The following LMX1A variants were observed in gnomAD, a reference collection of about 807,000 sequenced individuals.
The protein encoded by LMX1A is LIM homeobox transcription factor 1-alpha.
In LMX1A, 15 loss-of-function variants were observed where a neutral mutation model predicts 49.1. The observed-to-expected ratio is 0.31, with a 90% CI of 0.20 to 0.47. The LOEUF (loss-of-function observed/expected upper bound fraction) is 0.47, where lower values mean the gene tolerates loss of function less well. Ranked by LOEUF, LMX1A falls within the 20% of genes least tolerant of loss-of-function variation. The probability of loss-of-function intolerance (pLI) is 1.00; values close to 1 mark genes in which losing one functional copy is unlikely to be tolerated. For synonymous variants in LMX1A, 167 were observed against 185.7 expected (o/e 0.90, Z 0.82); for missense variants, 372 against 475.8 (o/e 0.78, Z 2.03).
chr1:165,280,801 A>G (rs1288800732), intron 3 of LMX1A, among the ~76,000 whole-genome samples: 2 of 152,116 alleles, frequency 1.3e-5, no homozygotes, highest in Non-Finnish European at 2.9e-5. Flanking sequence ...TTATTACTCA[A>G]TGCAGCTTCC....
At chr1:165,323,217 A>G (rs1655473662) in intron 3 of LMX1A, among the ~76,000 whole-genome samples, 2 of 152,192 alleles carry the variant, frequency 1.3e-5, no homozygotes, top group South Asian at 2.1e-4. Flanking sequence ...TTTGTTCTAG[A>G]GTAATATTAC....
rs115810241 is a variant in LMX1A at position 165,320,842 on chromosome 1, A to G, written c.263+32234T>C. Among the ~76,000 whole-genome samples, 701 of 152,350 alleles carry G rather than the reference A, an allele frequency of 4.6e-3. 6 individuals are homozygous for G. The highest frequency in any genetic ancestry group is 0.016 in the African/African-American group (680 of 41,576). Reference sequence around the variant, plus strand: ...ATAGTAATTCCATGTGATAAGTCAGATACATTGTAAGAAAAGATAAAGGTA... The same window carrying G: ...ATAGTAATTCCATGTGATAAGTCAGGTACATTGTAAGAAAAGATAAAGGTA... On this transcript the variant is annotated intron_variant, in intron 3 of 8. Transcript: ENST00000342310.
At chr1:165,331,638 C>T (rs555926624) in intron 3 of LMX1A, among the ~76,000 whole-genome samples, 48 of 152,274 alleles carry the variant, frequency 3.2e-4, no homozygotes, top group African/African-American at 1.1e-3. Context: ...AAGGTGGGGC[C>T]GGGCACGGTG....
At chr1:165,269,271 G>T (rs779313792) in intron 3 of LMX1A, among the ~76,000 whole-genome samples, 4 of 152,200 alleles carry the variant, frequency 2.6e-5, no homozygotes, top group Admixed American at 6.5e-5. Context: ...GTTTGTTTGC[G>T]CAGAGCCTGC....
At chr1:165,227,544 A>G (rs1039289975) in intron 4 of LMX1A, among the ~76,000 whole-genome samples, 2 of 109,080 alleles carry the variant, frequency 1.8e-5, no homozygotes, top group Non-Finnish European at 2.0e-5. Context: ...CTATCTCAAT[A>G]ATACATACGT....
At chr1:165,323,966 G>A (rs2101746376) in intron 3 of LMX1A, among the ~76,000 whole-genome samples, 1 of 152,312 alleles carries the variant, frequency 6.6e-6, no homozygotes, top group Non-Finnish European at 1.5e-5. Context: ...CTAAATGCTT[G>A]TAGTTAACCT....
chr1:165,298,953 C>T (rs1355371333), intron 3 of LMX1A, among the ~76,000 whole-genome samples: 1 of 152,208 alleles, frequency 6.6e-6, no homozygotes, highest in Non-Finnish European at 1.5e-5. Context: ...ATATACTAAG[C>T]TGTCTTCAAT....
intron 3 of LMX1A, among the ~76,000 whole-genome samples, chr1:165,277,061 ATGCAGGG>A (rs1653991651): frequency 6.6e-6 from 1 of 152,262 alleles, no homozygotes; most frequent in Admixed American, 6.5e-5. Flanking sequence ...TAGAAGCTAC[ATGCAGGG>A]TGCAAGAGCA....
chr1:165,279,148 C>T (rs145411337), intron 3 of LMX1A, among the ~76,000 whole-genome samples: 159 of 152,338 alleles, frequency 1.0e-3, no homozygotes, highest in African/African-American at 3.5e-3. Context: ...GAATTAGGAG[C>T]CTTTTCACTT....
intron 3 of LMX1A, among the ~76,000 whole-genome samples, chr1:165,348,359 A>G (rs908456889): frequency 1.3e-5 from 2 of 152,178 alleles, no homozygotes; most frequent in Non-Finnish European, 2.9e-5. Context: ...AGGGACCAAT[A>G]CATATAAAAA....
intron 3 of LMX1A, among the ~76,000 whole-genome samples, chr1:165,304,916 TC>T (rs1402902389): frequency 3.3e-5 from 5 of 152,180 alleles, no homozygotes; most frequent in Non-Finnish European, 7.4e-5. Flanking sequence ...TCATGCACCT[TC>T]CCCCACCACC....
intron 3 of LMX1A, among the ~76,000 whole-genome samples, chr1:165,310,141 G>C (rs1655034631): frequency 6.6e-6 from 1 of 152,192 alleles, no homozygotes; most frequent in African/African-American, 2.4e-5. Flanking sequence ...TGGCTTGATA[G>C]TTTTGTAAAG....
At chr1:165,242,646 G>A (rs577366515) in intron 4 of LMX1A, among the ~76,000 whole-genome samples, 10 of 151,580 alleles carry the variant, frequency 6.6e-5, no homozygotes, top group Non-Finnish European at 1.5e-4. Flanking sequence ...GGAGGCTGAG[G>A]CGGGCAGATC....
intron 2 of LMX1A, 146 bp from the exon 3 acceptor site, chr1:165,353,408 T>C (rs1251158204): frequency 3.1e-6 from 2 of 635,360 alleles, no homozygotes; most frequent in Non-Finnish European, 5.4e-6. Flanking sequence ...TCAACCAAGC[T>C]GAAACCTGGA....
chr1:165,348,149 T>C (rs1656305984), intron 3 of LMX1A, among the ~76,000 whole-genome samples: 1 of 152,204 alleles, frequency 6.6e-6, no homozygotes, highest in African/African-American at 2.4e-5. Context: ...CAGGTAGGTG[T>C]AATATGTAAA....
At chr1:165,311,015 C>T (rs1046767446) in intron 3 of LMX1A, among the ~76,000 whole-genome samples, 1 of 152,184 alleles carries the variant, frequency 6.6e-6, no homozygotes, top group Non-Finnish European at 1.5e-5. Flanking sequence ...TTTTGACTTT[C>T]CCACTTCTTT....
intron 3 of LMX1A, among the ~76,000 whole-genome samples, chr1:165,319,574 C>T (rs1367980903): frequency 6.6e-6 from 1 of 151,912 alleles, no homozygotes; most frequent in Non-Finnish European, 1.5e-5. Context: ...AGTAGGTAAA[C>T]AAATTATTCT....
At chr1:165,293,616 CAAAATGTCGT>C (rs1282230243) in intron 3 of LMX1A, among the ~76,000 whole-genome samples, 1 of 152,210 alleles carries the variant, frequency 6.6e-6, no homozygotes. Context: ...GCTGCTATAG[CAAAATGTCGT>C]AGACCAGACA....
At chr1:165,349,378 T>C (rs536541762) in intron 3 of LMX1A, among the ~76,000 whole-genome samples, 14 of 152,266 alleles carry the variant, frequency 9.2e-5, no homozygotes, top group African/African-American at 3.4e-4. Context: ...GGCTGGAAAA[T>C]ATTTTGATTG....
Sources: allele counts gnomAD v4.1 joint callset (sites outside exome capture counted in the v4.1 genomes callset), GRCh38; gene constraint gnomAD v4.1.1; transcripts MANE v1.5; gene names NCBI Gene and HGNC (gene_info 2026-07-23, HGNC 2026-07-21).